The following NKAIN3 variants were observed in gnomAD, a reference collection of about 807,000 sequenced individuals.
NKAIN3 encodes the protein sodium/potassium transporting ATPase interacting 3, also known as sodium/potassium-transporting ATPase subunit beta-1-interacting protein 3.
NKAIN3 carries 25 observed loss-of-function variants against 30.2 expected under a neutral mutation model. The ratio of observed to expected loss-of-function variants is 0.83; its 90% CI spans 0.60 to 1.16. The LOEUF (loss-of-function observed/expected upper bound fraction) is 1.16. Ranked by LOEUF, NKAIN3 falls within the 50% of genes most tolerant of loss-of-function variation. NKAIN3 has a pLI of 0.00. For synonymous variants in NKAIN3, 91 were observed against 89.6 expected, an observed-to-expected ratio of 1.02 and a Z score of -0.09; for missense variants, 225 against 254.1, an observed-to-expected ratio of 0.89 and a Z score of 0.78.
intron 4 of NKAIN3, among the ~76,000 whole-genome samples, chr8:62,908,924 G>A (rs1421441623): frequency 6.6e-6 from 1 of 152,266 alleles, no homozygotes; most frequent in Non-Finnish European, 1.5e-5. Flanking sequence ...AGTGACTGGG[G>A]AGTTATGTTG....
intron 2 of NKAIN3, among the ~76,000 whole-genome samples, chr8:62,583,720 T>G (rs1203258936): frequency 6.6e-6 from 1 of 152,206 alleles, no homozygotes; most frequent in Non-Finnish European, 1.5e-5. Context: ...TTCCAGATGA[T>G]AATGTTACCA....
chr8:62,852,813 G>A (rs2130776941), intron 4 of NKAIN3, among the ~76,000 whole-genome samples: 1 of 152,312 alleles, frequency 6.6e-6, no homozygotes, highest in South Asian at 2.1e-4. Flanking sequence ...TCTGTGGTCT[G>A]AGAGACAGTT....
chr8:62,729,813 G>T (rs1227016684), intron 3 of NKAIN3, among the ~76,000 whole-genome samples: 1 of 152,170 alleles, frequency 6.6e-6, no homozygotes, highest in Non-Finnish European at 1.5e-5. Flanking sequence ...TAGACATTTA[G>T]ATGGCTTCCA....
intron 1 of NKAIN3, among the ~76,000 whole-genome samples, chr8:62,432,033 A>G (rs1488109092): frequency 6.6e-6 from 1 of 151,878 alleles, no homozygotes; most frequent in Non-Finnish European, 1.5e-5. Context: ...AGAACCAAAC[A>G]GTTGACTATG....
rs555453504 is a variant in NKAIN3, at chr8:62,690,705, C to A, written c.274-56227C>A. On this transcript the variant is annotated intron_variant, in intron 3 of 6. Coordinates refer to ENST00000623646, the MANE Select transcript of NKAIN3 (RefSeq NM_001304533.3). ...CAATTTGCAGAGCTGTTAAGGTTTTCCCTGACAGCTGCACACATGCCACAT... is the reference window on the plus strand; with the variant it reads ...CAATTTGCAGAGCTGTTAAGGTTTTACCTGACAGCTGCACACATGCCACAT... Among the ~76,000 whole-genome samples, 3 of 152,278 alleles carry A rather than the reference C, an allele frequency of 2.0e-5. No individual in the cohort carries two copies. The South Asian group carries it at 6.2e-4, about 32-fold the overall frequency.
chr8:62,370,301 G>T (rs1816867942), intron 1 of NKAIN3, among the ~76,000 whole-genome samples: 1 of 152,060 alleles, frequency 6.6e-6, no homozygotes, highest in East Asian at 1.9e-4. Context: ...AGAATAATCT[G>T]TTAGTAGTTC....
intron 1 of NKAIN3, among the ~76,000 whole-genome samples, chr8:62,536,138 G>T (rs906110524): frequency 5.3e-5 from 8 of 152,088 alleles, no homozygotes; most frequent in African/African-American, 1.7e-4. Flanking sequence ...TCAAAGAAAT[G>T]ACTCTATTTT....
In NKAIN3 at chr8:62,331,930, G is replaced by A. The variant is rs151092347; in HGVS notation, c.54+82803G>A. On this transcript the variant is annotated intron_variant, in intron 1 of 6. Transcript: ENST00000623646. ...TTCTTTGAGAGGAGATTACTTTGAA[G>A]TCTGGGGGACATCCCCAGCTAGAAG... is the stretch of plus-strand genomic sequence containing the variant. Among the ~76,000 whole-genome samples, 225 of 152,164 alleles carry A rather than the reference G, an allele frequency of 1.5e-3. 1 individual carries two copies. Among genetic ancestry groups the A allele is most frequent in the African/African-American group, 5.0e-3 (207 of 41,530 alleles).
At position 62,923,324 on chromosome 8, in the gene NKAIN3, C is replaced by CA. The variant is rs943796339; in HGVS notation, c.532+4821dup. Among the ~76,000 whole-genome samples, 777 of 144,336 alleles carry CA rather than the reference C, an allele frequency of 5.4e-3. 5 individuals carry two copies. Among genetic ancestry groups the CA allele is most frequent in the African/African-American group, 0.016 (630 of 39,356 alleles). The allele number at this position is 144,336 out of a possible 152,430, so 94.7% of individuals were successfully genotyped here. ...TGGCTGACAGAGGGAGACGCTGTCT[C>CA]AAAAAAAAAATAAGAAAAAGAAATA... On this transcript the variant is annotated intron_variant, in intron 5 of 6. Transcript: ENST00000623646.
chr8:62,889,275 C>T (rs1327695370), intron 4 of NKAIN3, among the ~76,000 whole-genome samples: 9 of 151,952 alleles, frequency 5.9e-5, no homozygotes, highest in African/African-American at 9.7e-5. Context: ...GAGGCTGAGG[C>T]AGGAGAATTG....
chr8:62,803,907 C>G (rs74839626), intron 4 of NKAIN3, among the ~76,000 whole-genome samples: 2 of 151,720 alleles, frequency 1.3e-5, no homozygotes, highest in Non-Finnish European at 2.9e-5. Context: ...ATCAAATAGA[C>G]GCAATAAAAA....
chr8:62,805,407 C>A (rs1341583593), intron 4 of NKAIN3, among the ~76,000 whole-genome samples: 1 of 151,956 alleles, frequency 6.6e-6, no homozygotes, highest in Non-Finnish European at 1.5e-5. Flanking sequence ...AACTATACTA[C>A]AAGGCTACAG....
chr8:62,721,359 G>A (rs532400267), intron 3 of NKAIN3, among the ~76,000 whole-genome samples: 3 of 152,146 alleles, frequency 2.0e-5, no homozygotes, highest in Admixed American at 6.5e-5. Context: ...TGTTAAGCAG[G>A]TAAGTGAAAA....
intron 3 of NKAIN3, among the ~76,000 whole-genome samples, chr8:62,725,266 A>G (rs1420110571): frequency 6.6e-6 from 1 of 152,128 alleles, no homozygotes; most frequent in Non-Finnish European, 1.5e-5. Context: ...AGCTCTTTAT[A>G]CATTCTGGCT....
intron 1 of NKAIN3, among the ~76,000 whole-genome samples, chr8:62,563,678 T>A (rs1259571652): frequency 6.6e-6 from 1 of 152,174 alleles, no homozygotes; most frequent in African/African-American, 2.4e-5. Context: ...ACTGGGTTGA[T>A]ATAAGAGAAG....
rs544680515 is a variant in NKAIN3, at chr8:62,765,327, C to T, written c.471+18198C>T. On this transcript the variant is annotated intron_variant, in intron 4 of 6. Coordinates refer to ENST00000623646, the MANE Select transcript of NKAIN3 (RefSeq NM_001304533.3). ...TCAGGTACTGGATGAAAAACAAATA[C>T]GGAAATCAGAGCATGAGTGTGCAAA... Among the ~76,000 whole-genome samples, 27 of 146,866 alleles carry T rather than the reference C, an allele frequency of 1.8e-4. No homozygotes were observed. The South Asian group carries it at 3.9e-3, about 21-fold the overall frequency.
intron 1 of NKAIN3, among the ~76,000 whole-genome samples, chr8:62,441,241 A>G (rs1013443509): frequency 1.3e-5 from 2 of 152,106 alleles, no homozygotes; most frequent in African/African-American, 4.8e-5. Context: ...ACTACTATAT[A>G]GCTGTGGGAT....
chr8:62,357,148 G>C (rs1334107535), intron 1 of NKAIN3, among the ~76,000 whole-genome samples: 1 of 151,630 alleles, frequency 6.6e-6, no homozygotes, highest in Non-Finnish European at 1.5e-5. Flanking sequence ...TCCAGGACCA[G>C]GTGCAGTGGC....
intron 1 of NKAIN3, among the ~76,000 whole-genome samples, chr8:62,278,650 T>C (rs1248992338): frequency 1.3e-5 from 2 of 152,164 alleles, no homozygotes; most frequent in Admixed American, 6.5e-5. Context: ...ATCCCTGTGA[T>C]AGTTTGCTAA....
Sources: gnomAD v4.1 joint callset for allele counts (sites outside exome capture counted in the v4.1 genomes callset) on GRCh38, gnomAD v4.1.1 for gene constraint, MANE v1.5 for transcripts, NCBI Gene and HGNC (gene_info 2026-07-23, HGNC 2026-07-21) for gene names.